Variants in TMTC2 observed in about 807,000 individuals in gnomAD.
TMTC2 encodes transmembrane O-mannosyltransferase targeting cadherins 2.
TMTC2 carries 43 observed loss-of-function variants against 82.4 expected under a neutral mutation model. The ratio of observed to expected loss-of-function variants is 0.52; its 90% confidence interval spans 0.41 to 0.67. TMTC2 has a LOEUF of 0.67. TMTC2 is among the 30% of genes least tolerant of loss of function. TMTC2 has a pLI of 0.00. For synonymous variants in TMTC2, 408 were observed against 381.9 expected (o/e 1.07, Z -0.80); for missense variants, 919 against 1,012.4 (o/e 0.91, Z 1.25).
chr12:82,768,888 A>G (rs745338565), intron 1 of TMTC2, among the ~76,000 whole-genome samples: 3 of 152,014 alleles, frequency 2.0e-5, no homozygotes, highest in Non-Finnish European at 2.9e-5. Flanking sequence ...AGATTGTGAC[A>G]ATTGAGCATG....
At chr12:82,813,644 A>G (rs1868525087) in intron 1 of TMTC2, among the ~76,000 whole-genome samples, 1 of 152,096 alleles carries the variant, frequency 6.6e-6, no homozygotes, top group East Asian at 1.9e-4. Context: ...TTTGGCAGTC[A>G]GTTTATGATA....
intron 8 of TMTC2, among the ~76,000 whole-genome samples, chr12:83,024,167 A>T (rs1328932832): frequency 6.6e-6 from 1 of 152,154 alleles, no homozygotes; most frequent in Non-Finnish European, 1.5e-5. Context: ...ACCTCAACAC[A>T]CTCTGACTTG....
intron 1 of TMTC2, among the ~76,000 whole-genome samples, chr12:82,822,340 A>G (rs916338909): frequency 1.3e-5 from 2 of 152,190 alleles, no homozygotes; most frequent in Non-Finnish European, 2.9e-5. Flanking sequence ...CATCAGTTTT[A>G]ACAAATGTAC....
intron 1 of TMTC2, among the ~76,000 whole-genome samples, chr12:82,730,316 A>AAAT (rs71068947): frequency 6.6e-6 from 1 of 150,992 alleles, no homozygotes; most frequent in Non-Finnish European, 1.5e-5. Context: ...AAAAAAAAAA[A>AAAT]GCAGACCCTA....
At chr12:82,761,769 G>A (rs1302663035) in intron 1 of TMTC2, among the ~76,000 whole-genome samples, 2 of 152,120 alleles carry the variant, frequency 1.3e-5, no homozygotes, top group Non-Finnish European at 2.9e-5. Flanking sequence ...GGTTTGCAGT[G>A]CAACCCAGCA....
intron 1 of TMTC2, among the ~76,000 whole-genome samples, chr12:82,753,408 T>C (rs1876126542): frequency 6.6e-6 from 1 of 151,988 alleles, no homozygotes; most frequent in South Asian, 2.1e-4. Context: ...TTAAACTGTT[T>C]CCTCACTGTG....
chr12:82,837,541 A>G (rs1025867010), intron 1 of TMTC2, among the ~76,000 whole-genome samples: 1 of 152,244 alleles, frequency 6.6e-6, no homozygotes, highest in Non-Finnish European at 1.5e-5. Flanking sequence ...CTGAATGTAG[A>G]AAAATTACAA....
intron 2 of TMTC2, among the ~76,000 whole-genome samples, chr12:82,894,737 A>G (rs1391308213): frequency 2.0e-5 from 3 of 151,894 alleles, no homozygotes; most frequent in Non-Finnish European, 2.9e-5. Flanking sequence ...ATGTCCTTTG[A>G]CCCTCCTCAC....
chr12:82,728,667 G>A (rs1340867047), intron 1 of TMTC2, among the ~76,000 whole-genome samples: 1 of 152,368 alleles, frequency 6.6e-6, no homozygotes, highest in Non-Finnish European at 1.5e-5. Context: ...GCCCACTCTG[G>A]TCACGCTTGA....
Position 82,868,052 on chromosome 12 carries a change from A to G in TMTC2, c.654+10472A>G, listed in dbSNP as rs76582162. ...CTAAACTTCTTTGAACATCAGTTAA[A>G]TGCCCTGTAAAATCAGGGATATAAT... On this transcript the variant is annotated intron_variant, in intron 2 of 11. Coordinates refer to ENST00000321196, the MANE Select transcript of TMTC2 (RefSeq NM_152588.3). Among the ~76,000 whole-genome samples, 428 of 152,328 alleles carry G rather than the reference A, an allele frequency of 2.8e-3. 1 individual carries two copies. Among genetic ancestry groups the G allele is most frequent in the African/African-American group, 9.9e-3 (410 of 41,570 alleles).
At chr12:82,994,699 T>G (rs1436034285) in intron 8 of TMTC2, among the ~76,000 whole-genome samples, 1 of 151,818 alleles carries the variant, frequency 6.6e-6, no homozygotes, top group African/African-American at 2.4e-5. Context: ...GAGCCTGAAC[T>G]TTGTCTCTTT....
intron 11 of TMTC2, among the ~76,000 whole-genome samples, chr12:83,118,326 C>T (rs1884835133): frequency 6.6e-6 from 1 of 152,076 alleles, no homozygotes; most frequent in Admixed American, 6.6e-5. Context: ...ACGGCTTTTA[C>T]TACATTGAGG....
chr12:82,945,303 G>A (rs1220026733), intron 4 of TMTC2, among the ~76,000 whole-genome samples: 1 of 152,196 alleles, frequency 6.6e-6, no homozygotes, highest in East Asian at 1.9e-4. Context: ...CAAGAGTGTA[G>A]AGTGAGTTAA....
In TMTC2 at chr12:82,954,412, C is replaced by T. The variant is rs574672636; in HGVS notation, c.1599-10612C>T. 3.9e-4 allele frequency among the ~76,000 whole-genome samples: 60 copies of T among 152,314 alleles called. 2 individuals are homozygous for T. The South Asian group carries it at 0.011, about 29-fold the overall frequency. On this transcript the variant is annotated intron_variant, in intron 4 of 11. Transcript: ENST00000321196. Reference sequence around the variant, plus strand: ...GTGATTGTTTGCTTGTCTGTCTTCACTGTGAGACAATTCACTGAAAAATTA... The same window carrying T: ...GTGATTGTTTGCTTGTCTGTCTTCATTGTGAGACAATTCACTGAAAAATTA...
intron 1 of TMTC2, among the ~76,000 whole-genome samples, chr12:82,729,110 G>A (rs182476445): frequency 2.0e-4 from 30 of 152,364 alleles, no homozygotes; most frequent in African/African-American, 6.3e-4. Context: ...GAGTGCTGGC[G>A]CAAGGCCCAG....
rs146166320 is a variant in TMTC2 at position 83,066,291 on chromosome 12, G to T, written c.2331+4460G>T. ...GTCACAGTTGACAAGCTAAAAGAAG[G>T]TTGAAATGATAGGATGCTTATAAGT... On this transcript the variant is annotated intron_variant, in intron 11 of 11. Coordinates refer to ENST00000321196, the MANE Select transcript of TMTC2 (RefSeq NM_152588.3). Among the ~76,000 whole-genome samples, 113 of 151,996 alleles carry T rather than the reference G, an allele frequency of 7.4e-4. 1 individual carries two copies. In the Middle Eastern group the frequency reaches 0.014, roughly 18 times the overall value.
chr12:83,093,113 G>C (rs76095255), intron 11 of TMTC2, among the ~76,000 whole-genome samples: 8 of 152,136 alleles, frequency 5.3e-5, no homozygotes, highest in Admixed American at 3.9e-4. Context: ...GCATGCACAT[G>C]TATGTGCATG....
chr12:82,799,327 G>A (rs150456217), intron 1 of TMTC2, among the ~76,000 whole-genome samples: 1 of 152,092 alleles, frequency 6.6e-6, no homozygotes, highest in Non-Finnish European at 1.5e-5. Context: ...ATTGTGCCCC[G>A]TTGTTTTCCA....
At chr12:82,978,227 T>C (rs532054487) in intron 7 of TMTC2, among the ~76,000 whole-genome samples, 21 of 151,830 alleles carry the variant, frequency 1.4e-4, no homozygotes, top group African/African-American at 4.8e-4. Flanking sequence ...GGCAGGATAT[T>C]TTAAACTAGG....
Sources: allele counts gnomAD v4.1 joint callset (sites outside exome capture counted in the v4.1 genomes callset), GRCh38; gene constraint gnomAD v4.1.1; transcripts MANE v1.5; gene names NCBI Gene and HGNC (gene_info 2026-07-23, HGNC 2026-07-21).